Variants in IRAK4 observed in about 807,000 individuals in gnomAD.
IRAK4 encodes the protein interleukin 1 receptor associated kinase 4, also known as interleukin-1 receptor-associated kinase 4.
IRAK4 carries 44 observed loss-of-function variants against 51.8 expected under a neutral mutation model. The observed-to-expected ratio is 0.85, with a 90% CI of 0.67 to 1.09. The LOEUF (loss-of-function observed/expected upper bound fraction) is 1.09. IRAK4 is among the 50% of genes least tolerant of loss of function. The pLI is 0.00. For missense variants in IRAK4, 487 were observed against 538.0 expected (o/e 0.91, Z 0.94); for synonymous variants, 149 against 174.1 (o/e 0.86, Z 1.13).
intron 1 of IRAK4, chr12:43,759,676 C>T (rs2137813484): frequency 1.3e-5 from 2 of 152,552 alleles, no homozygotes; most frequent in Admixed American, 1.3e-4. Context: ...CGAGACCAGC[C>T]TGGCCAACAT....
intron 2 of IRAK4, 71 bp downstream of exon 2, chr12:43,768,343 C>A: frequency 8.4e-7 from 1 of 1,189,808 alleles, no homozygotes; most frequent in Non-Finnish European, 1.2e-6. Context: ...GGTATAAGTA[C>A]TGTCTAATGT....
In IRAK4 at chr12:43,772,164, T is replaced by C. The variant is rs1379578995; in HGVS notation, c.308-16T>C. 1 of 1,605,982 alleles carries C rather than the reference T, an allele frequency of 6.2e-7. No individual in the cohort carries two copies. Among genetic ancestry groups the C allele is most frequent in the East Asian group, 2.2e-5 (1 of 44,840 alleles). Reference sequence around the variant, plus strand: ...TTCTTACTGAAAAACCACTTGTATCTTACTTCATTTGTTAGATGCTGTTCC... The same window carrying C: ...TTCTTACTGAAAAACCACTTGTATCCTACTTCATTTGTTAGATGCTGTTCC... On this transcript the variant is annotated splice_polypyrimidine_tract_variant and intron_variant, in intron 3 of 11. Coordinates refer to ENST00000613694, the MANE Select transcript of IRAK4 (RefSeq NM_016123.4).
intron 6 of IRAK4, 148 bp from the exon 7 acceptor site, chr12:43,777,482 A>G: frequency 1.6e-6 from 1 of 639,038 alleles, no homozygotes; most frequent in Non-Finnish European, 2.5e-6. Flanking sequence ...TACAATAAAC[A>G]TATATAAACA....
chr12:43,759,503 G>A (rs1375523780), intron 1 of IRAK4: 3 of 152,334 alleles, frequency 2.0e-5, no homozygotes, highest in Non-Finnish European at 2.9e-5. Context: ...TATGGGATCA[G>A]ATGAGTACAT....
At chr12:43,762,603 T>C (rs939502543) in intron 1 of IRAK4, among the ~76,000 whole-genome samples, 14 of 152,178 alleles carry the variant, frequency 9.2e-5, no homozygotes, top group African/African-American at 3.4e-4. Flanking sequence ...GTGAATTTGG[T>C]TGGGTCCTAG....
At chr12:43,785,969 A>G (rs1289251740) in intron 10 of IRAK4, among the ~76,000 whole-genome samples, 1 of 151,996 alleles carries the variant, frequency 6.6e-6, no homozygotes, top group South Asian at 2.1e-4. Context: ...TCATTGACCA[A>G]TTGACCAAAA....
chr12:43,778,143 G>A, intron 7 of IRAK4, 50 bp from the exon 8 acceptor site: 1 of 1,089,020 alleles, frequency 9.2e-7, no homozygotes, highest in Middle Eastern at 2.3e-4. Flanking sequence ...ATTCTCTGTA[G>A]ATTTTTTATT....
chr12:43,765,131 C>T (rs767104394), intron 1 of IRAK4, among the ~76,000 whole-genome samples: 18 of 152,182 alleles, frequency 1.2e-4, no homozygotes, highest in African/African-American at 3.9e-4. Flanking sequence ...AAGCTCTGCT[C>T]GCATCTGCAG....
chr12:43,787,056 C>G lies in IRAK4; in HGVS notation c.*341C>G, dbSNP rs879391895. 4 of 274,118 alleles carry G rather than the reference C, an allele frequency of 1.5e-5. No homozygotes were observed. Among genetic ancestry groups the G allele is most frequent in the African/African-American group, 2.2e-5 (1 of 45,232 alleles). The allele number at this position is 274,118 out of a possible 1,614,324, so 17.0% of individuals were successfully genotyped here. On this transcript the variant is annotated 3_prime_UTR_variant, in exon 12 of 12. Coordinates refer to ENST00000613694, the MANE Select transcript of IRAK4 (RefSeq NM_016123.4). Reference sequence around the variant, plus strand: ...CTGATCTGAAGCCCAGCTGACTCCACTACTAATTTGCTGTAAAGCTTTGGA... The same window carrying G: ...CTGATCTGAAGCCCAGCTGACTCCAGTACTAATTTGCTGTAAAGCTTTGGA...
At chr12:43,763,523 G>C (rs1030796973) in intron 1 of IRAK4, 7 of 152,088 alleles carry the variant, frequency 4.6e-5, no homozygotes, top group Non-Finnish European at 7.4e-5. Flanking sequence ...GAATTAATAA[G>C]TAATTTTTAA....
At position 43,786,762 on chromosome 12, in the gene IRAK4, AC is replaced by A. The variant is rs1232923484; in HGVS notation, c.*49del. ...TGACTTTTTATATACACCTATCTCA[AC>A]CATTTTTTTAACTGATTTTTTTCCT... On this transcript the variant is annotated 3_prime_UTR_variant, in exon 12 of 12. Transcript: ENST00000613694. 6.6e-7 allele frequency: 1 copy of A among 1,503,770 alleles called. No individual in the cohort carries two copies. The highest frequency in any genetic ancestry group is 9.2e-7 in the Non-Finnish European group (1 of 1,084,104). The allele number at this position is 1,503,770 out of a possible 1,614,324, so 93.2% of individuals were successfully genotyped here.
chr12:43,761,807 G>A (rs1226622248), intron 1 of IRAK4, among the ~76,000 whole-genome samples: 1 of 152,152 alleles, frequency 6.6e-6, no homozygotes, highest in Non-Finnish European at 1.5e-5. Flanking sequence ...GATTCCATAA[G>A]CAGGTGCTTA....
At chr12:43,768,875 T>TA (rs1940454052) in intron 2 of IRAK4, among the ~76,000 whole-genome samples, 1 of 152,210 alleles carries the variant, frequency 6.6e-6, no homozygotes, top group African/African-American at 2.4e-5. Flanking sequence ...TCATTGCAGT[T>TA]AAAACCTATG....
At chr12:43,769,382 G>A (rs1940505635) in intron 2 of IRAK4, among the ~76,000 whole-genome samples, 1 of 152,168 alleles carries the variant, frequency 6.6e-6, no homozygotes, top group South Asian at 2.1e-4. Context: ...ATTATAGGCT[G>A]AGCACAGTGG....
At chr12:43,779,550 G>C (rs1213669610) in intron 8 of IRAK4, among the ~76,000 whole-genome samples, 1 of 152,186 alleles carries the variant, frequency 6.6e-6, no homozygotes, top group Non-Finnish European at 1.5e-5. Flanking sequence ...CATAAGAAGA[G>C]AGGGGAGCAG....
intron 10 of IRAK4, among the ~76,000 whole-genome samples, chr12:43,785,638 T>TTTA (rs1565687897): frequency 0.075 from 10,856 of 145,254 alleles, 932 homozygotes; most frequent in African/African-American, 0.21. Context: ...ATATATATAT[T>TTTA]TATATATATA....
At chr12:43,760,184 G>A (rs1310774924) in intron 1 of IRAK4, among the ~76,000 whole-genome samples, 1 of 150,920 alleles carries the variant, frequency 6.6e-6, no homozygotes, top group East Asian at 1.9e-4. Context: ...AGTAAATATC[G>A]GTAAACTTGG....
At position 43,772,363 on chromosome 12, in the gene IRAK4, G is replaced by A. The variant is rs748031324; in HGVS notation, c.490+1G>A. 3.1e-6 allele frequency: 5 copies of A among 1,609,684 alleles called. No homozygotes were observed. The highest frequency in any genetic ancestry group is 1.3e-5 in the African/African-American group (1 of 74,872). On this transcript the variant is annotated splice_donor_variant, in intron 4 of 11. Transcript: ENST00000613694. LOFTEE classifies it high-confidence loss of function. ...AAAAGTTTAGAAGTTAGTGATACACGTAAGTAACATTTTCAGTGCTTTCCA... is the reference window on the plus strand; with the variant it reads ...AAAAGTTTAGAAGTTAGTGATACACATAAGTAACATTTTCAGTGCTTTCCA...
In IRAK4 at chr12:43,786,779, T is replaced by G; in HGVS notation, c.*64T>G. On this transcript the variant is annotated 3_prime_UTR_variant, in exon 12 of 12. Coordinates refer to ENST00000613694, the MANE Select transcript of IRAK4 (RefSeq NM_016123.4). ...CTATCTCAACCATTTTTTTAACTGATTTTTTTCCTAAATATTCTTCTTTAC... is the reference window on the plus strand; with the variant it reads ...CTATCTCAACCATTTTTTTAACTGAGTTTTTTCCTAAATATTCTTCTTTAC... The G allele has an allele frequency of 7.3e-7, 1 of 1,363,776 alleles. No individual in the cohort carries two copies. Among genetic ancestry groups the G allele is most frequent in the South Asian group, 1.2e-5 (1 of 83,816 alleles). 84.5% of individuals were successfully genotyped at this position (1,363,776 alleles called of 1,614,324 possible).
Sources: gnomAD v4.1 joint callset for allele counts (sites outside exome capture counted in the v4.1 genomes callset) on GRCh38, gnomAD v4.1.1 for gene constraint, MANE v1.5 for transcripts, NCBI Gene and HGNC (gene_info 2026-07-23, HGNC 2026-07-21) for gene names.